Variants in EEA1 observed in about 807,000 individuals in gnomAD.
The protein encoded by EEA1 is early endosome antigen 1.
Under a neutral mutation model 209.2 loss-of-function variants are expected in EEA1, and 111 were observed. The ratio of observed to expected loss-of-function variants is 0.53; its 90% confidence interval spans 0.45 to 0.62. EEA1 has a LOEUF of 0.62. EEA1 is among the 20% of genes least tolerant of loss of function. EEA1 has a pLI of 0.00. For missense variants in EEA1, 1,343 were observed against 1,530.8 expected (o/e 0.88, Z 2.05); for synonymous variants, 536 against 540.6 (o/e 0.99, Z 0.12).
chr12:92,921,819 G>A lies in EEA1; in HGVS notation c.24+7224C>T, dbSNP rs181888919. On this transcript the variant is annotated intron_variant, in intron 1 of 28. Transcript: ENST00000322349. The stretch of plus-strand genomic sequence containing the variant: ...GGAGGCAGAGGTTGCAGTGAGCCGA[G>A]ATCACACCACTGTACTCCAGCCTGG... Among the ~76,000 whole-genome samples, 23 of 104,696 alleles carry A rather than the reference G, an allele frequency of 2.2e-4. No individual in the cohort carries two copies. The Admixed American group carries it at 2.2e-3, about 10-fold the overall frequency. The allele number at this position is 104,696 out of a possible 152,430, so 68.7% of individuals were successfully genotyped here.
intron 1 of EEA1, among the ~76,000 whole-genome samples, chr12:92,919,443 T>C (rs1211943811): frequency 4.4e-5 from 6 of 135,510 alleles, no homozygotes; most frequent in African/African-American, 8.4e-5. Flanking sequence ...TGGTTCAATA[T>C]ACGCAAATCA....
Position 92,883,896 on chromosome 12 carries a change from G to A in EEA1, c.117+7733C>T, listed in dbSNP as rs375981867. 342 of 1,588,924 alleles carry A rather than the reference G, an allele frequency of 2.2e-4. 1 individual carries two copies. In the East Asian group the frequency reaches 5.9e-3, roughly 28 times the overall value. ...ATTTTGAGCAATGGGGAACGCTCAC[G>A]GACTGTGTGGTAATGAGAGATCCAA... On this transcript the variant is annotated intron_variant, in intron 2 of 28. Coordinates refer to ENST00000322349, the MANE Select transcript of EEA1 (RefSeq NM_003566.4).
Position 92,802,602 on chromosome 12 carries a change from C to G in EEA1, c.2472G>C (p.Lys824Asn). ...TGTTATTCAATTCCTCATGCTGAAT[C>G]TTTGTTTCTTGACTTAAAGTTTCAA... Reference protein sequence around the residue: ...QDFETLSQETKIQHEELNNRI... With the variant: ...QDFETLSQETNIQHEELNNRI... The change falls in exon 19 of 29, where the codon AAG (lysine) becomes AAC (asparagine). Residue 824 changes from lysine (K) to asparagine (N), a missense_variant. Physicochemically the swap from Lys to Asn is moderately conservative, Grantham distance 94. Coordinates refer to ENST00000322349, the MANE Select transcript of EEA1 (RefSeq NM_003566.4). 3.7e-6 allele frequency: 6 copies of G among 1,601,944 alleles called. No individual in the cohort carries two copies. The highest frequency in any genetic ancestry group is 5.1e-6 in the Non-Finnish European group (6 of 1,176,566).
intron 27 of EEA1, among the ~76,000 whole-genome samples, chr12:92,777,165 A>C (rs1873689708): frequency 6.6e-6 from 1 of 151,950 alleles, no homozygotes. Context: ...TTCCTGAAAT[A>C]TCTTGCTAAC....
At chr12:92,782,225 A>G (rs1873937664) in intron 22 of EEA1, 90 bp from the exon 23 acceptor site, 6 of 1,062,720 alleles carry the variant, frequency 5.6e-6, no homozygotes, top group Non-Finnish European at 7.9e-6. Flanking sequence ...GTAGAAAGCA[A>G]TAAACTATAA....
At chr12:92,793,219 A>G (rs986561724) in intron 21 of EEA1, among the ~76,000 whole-genome samples, 1 of 152,218 alleles carries the variant, frequency 6.6e-6, no homozygotes, top group Admixed American at 6.5e-5. Flanking sequence ...AAAAACCGGC[A>G]CAAGACAAGG....
chr12:92,779,281 T>C lies in EEA1; in HGVS notation c.3488A>G (p.Asp1163Gly). 1 of 1,598,010 alleles carries C rather than the reference T, an allele frequency of 6.3e-7. No homozygotes were observed. The highest frequency in any genetic ancestry group is 1.2e-5 in the South Asian group (1 of 86,848). ...CTGCTGAATTAGAAGCTGTTTAGCA[T>C]CTTTAAGATTTGTTATCTCCTGTTG... ...ESIKEITNLK[D>G]AKQLLIQQKL... The change falls in exon 25 of 29, where the codon GAT (aspartate) becomes GGT (glycine). Residue 1163 changes from aspartate (D) to glycine (G), a missense_variant. This residue lies in a region of EEA1 where 1,307 missense variants were observed against 1,465.5 expected (regional missense o/e 0.89). Transcript: ENST00000322349.
chr12:92,840,242 C>T (rs1007984003), intron 10 of EEA1, among the ~76,000 whole-genome samples: 25 of 152,090 alleles, frequency 1.6e-4, no homozygotes, highest in African/African-American at 5.8e-4. Flanking sequence ...TGCCCCACCA[C>T]CAAAAAAGTA....
chr12:92,925,913 A>AT (rs1881193203), intron 1 of EEA1, among the ~76,000 whole-genome samples: 1 of 152,220 alleles, frequency 6.6e-6, no homozygotes, highest in Admixed American at 6.5e-5. Flanking sequence ...AATGCTATTT[A>AT]AAGGAAACTA....
chr12:92,842,561 C>T lies in EEA1; in HGVS notation c.819G>A (p.Arg273=). ...CCTGGGGGCCTTTGGCAAGTTCACT[C>T]CTTAGCTGGCTTATTGTGGCCTAAC... The part of the protein sequence containing the change: ...ASSEATISQL[R]SELAKGPQEV... Residue 273 remains arginine, a synonymous_variant, in exon 10 of 29, where the codon AGG becomes AGA. Coordinates refer to ENST00000322349, the MANE Select transcript of EEA1 (RefSeq NM_003566.4). The T allele has an allele frequency of 6.2e-7, 1 of 1,601,340 alleles. No homozygotes were observed. The highest frequency in any genetic ancestry group is 8.5e-7 in the Non-Finnish European group (1 of 1,174,118).
chr12:92,829,196 A>C (rs537507916), intron 11 of EEA1, among the ~76,000 whole-genome samples: 1 of 152,094 alleles, frequency 6.6e-6, no homozygotes, highest in Non-Finnish European at 1.5e-5. Context: ...AATCCCAGCT[A>C]CTCAGGAGGC....
At chr12:92,788,924 A>G (rs1003361402) in intron 21 of EEA1, among the ~76,000 whole-genome samples, 5 of 152,086 alleles carry the variant, frequency 3.3e-5, no homozygotes, top group African/African-American at 1.2e-4. Context: ...TTCCTCTGCT[A>G]CTTCTGTGAA....
intron 21 of EEA1, among the ~76,000 whole-genome samples, chr12:92,790,714 G>C (rs1317833157): frequency 3.9e-5 from 6 of 152,192 alleles, no homozygotes; most frequent in Admixed American, 3.9e-4. Context: ...ATATTACCCA[G>C]GAGAACTTCC....
At chr12:92,911,166 A>C (rs1880568735) in intron 1 of EEA1, among the ~76,000 whole-genome samples, 1 of 152,096 alleles carries the variant, frequency 6.6e-6, no homozygotes, top group African/African-American at 2.4e-5. Flanking sequence ...ACTTCTGTCC[A>C]CACCAAAACG....
chr12:92,859,679 T>A (rs1878044138), intron 3 of EEA1, among the ~76,000 whole-genome samples: 5 of 152,096 alleles, frequency 3.3e-5, no homozygotes. Context: ...AAATTGAACA[T>A]TTGTGCCCTA....
chr12:92,880,793 T>A (rs539318152), intron 2 of EEA1, among the ~76,000 whole-genome samples: 3 of 152,268 alleles, frequency 2.0e-5, no homozygotes, highest in Admixed American at 1.3e-4. Flanking sequence ...AAAATAGGCA[T>A]TTCCAATTCC....
At chr12:92,815,605 T>C (rs1281190398) in intron 15 of EEA1, among the ~76,000 whole-genome samples, 1 of 152,102 alleles carries the variant, frequency 6.6e-6, no homozygotes, top group East Asian at 1.9e-4. Context: ...AAGAAATCAA[T>C]AGTAAGAATG....
chr12:92,850,987 A>G, intron 9 of EEA1, 124 bp downstream of exon 9: 1 of 941,044 alleles, frequency 1.1e-6, no homozygotes, highest in Non-Finnish European at 1.5e-6. Context: ...ATTCAGATCA[A>G]AAATGAAAGA....
At chr12:92,859,257 C>T in intron 3 of EEA1, 1 of 1,606,606 alleles carries the variant, frequency 6.2e-7, no homozygotes, top group South Asian at 1.1e-5. Flanking sequence ...GGGAAGTGCC[C>T]AAAAAGCTTA....
Sources: allele counts gnomAD v4.1 joint callset (sites outside exome capture counted in the v4.1 genomes callset), GRCh38; gene constraint gnomAD v4.1.1; regional missense constraint gnomAD v4.1.1; transcripts MANE v1.5; gene names NCBI Gene and HGNC (gene_info 2026-07-23, HGNC 2026-07-21).